PDE11A: variants seen among roughly 807,000 people sequenced by gnomAD.
PDE11A encodes the protein phosphodiesterase 11A.
Under a neutral mutation model 100.5 loss-of-function variants are expected in PDE11A, and 100 were observed. The observed-to-expected ratio is 1.00, with a 90% confidence interval of 0.85 to 1.18. PDE11A has a LOEUF of 1.18. Ranked by LOEUF, PDE11A falls within the 50% of genes most tolerant of loss-of-function variation. PDE11A has a pLI of 0.00. For synonymous variants in PDE11A, 381 were observed against 420.8 expected (o/e 0.91, Z 1.16); for missense variants, 1,141 against 1,152.6 (o/e 0.99, Z 0.15).
At chr2:177,878,361 C>G (rs2084274897) in intron 4 of PDE11A, among the ~76,000 whole-genome samples, 1 of 152,106 alleles carries the variant, frequency 6.6e-6, no homozygotes, top group Admixed American at 6.6e-5. Flanking sequence ...CTTCTGAAAG[C>G]TTCAACAAAT....
intron 2 of PDE11A, among the ~76,000 whole-genome samples, chr2:178,003,867 CAGCTATT>C (rs138357718): frequency 0.01 from 1,539 of 152,206 alleles, 31 homozygotes; most frequent in African/African-American, 0.035. Context: ...TTCAACCTAA[CAGCTATT>C]CTAAGACACA....
chr2:178,080,189 T>G (rs1349692840), intron 2 of PDE11A, among the ~76,000 whole-genome samples: 3 of 152,210 alleles, frequency 2.0e-5, no homozygotes, highest in African/African-American at 7.2e-5. Flanking sequence ...TGTGATTGCT[T>G]TTGGTGTTTT....
intron 1 of PDE11A, among the ~76,000 whole-genome samples, chr2:178,030,122 G>A (rs2086526103): frequency 6.6e-6 from 1 of 151,628 alleles, no homozygotes; most frequent in South Asian, 2.1e-4. Flanking sequence ...TTCAAAAAAA[G>A]AATAACATAT....
chr2:177,631,529 A>ACACATG (rs2079932479), intron 19 of PDE11A, among the ~76,000 whole-genome samples: 3 of 25,866 alleles, frequency 1.2e-4, no homozygotes, highest in Non-Finnish European at 2.1e-4. Flanking sequence ...ATATATATAT[A>ACACATG]TATATATATA....
chr2:177,931,215 T>C (rs1320080776), intron 2 of PDE11A, among the ~76,000 whole-genome samples: 1 of 152,172 alleles, frequency 6.6e-6, no homozygotes, highest in Non-Finnish European at 1.5e-5. Flanking sequence ...TCTCTAATTT[T>C]CTTTTGTTGT....
intron 10 of PDE11A, among the ~76,000 whole-genome samples, chr2:177,766,542 G>A (rs2082242487): frequency 6.6e-6 from 1 of 152,136 alleles, no homozygotes; most frequent in Admixed American, 6.5e-5. Context: ...CGTAAACATG[G>A]TTTGTCATAT....
In PDE11A at chr2:177,769,191, A is replaced by G. The variant is rs2082277384; in HGVS notation, c.1788+132T>C. 5.7e-6 allele frequency: 4 copies of G among 697,528 alleles called. No individual in the cohort carries two copies. The South Asian group carries it at 6.7e-5, about 12-fold the overall frequency. 43.2% of individuals were successfully genotyped at this position (697,528 alleles called of 1,614,324 possible). ...CCCTCTAAAACAGAAATATAAAAAT[A>G]CACCTTTGCCCAGTGCTAGTCCTCC... is the stretch of plus-strand genomic sequence containing the variant. On this transcript the variant is annotated intron_variant, in intron 10 of 19. Transcript: ENST00000286063.
At chr2:177,858,789 A>T (rs1290524668) in intron 5 of PDE11A, among the ~76,000 whole-genome samples, 2 of 152,188 alleles carry the variant, frequency 1.3e-5, no homozygotes, top group Non-Finnish European at 2.9e-5. Flanking sequence ...ATAAAGACAC[A>T]TGCACACATA....
At chr2:177,785,621 C>A (rs1002010817) in intron 9 of PDE11A, among the ~76,000 whole-genome samples, 1 of 152,216 alleles carries the variant, frequency 6.6e-6, no homozygotes, top group Admixed American at 6.5e-5. Context: ...TCAGGGAGTT[C>A]CCTTTCCTAG....
chr2:177,998,290 T>G, intron 2 of PDE11A: 1 of 828,128 alleles, frequency 1.2e-6, no homozygotes, highest in Non-Finnish European at 2.2e-6. Context: ...TCTGGTAAAG[T>G]CTTAAGTTTT....
intron 19 of PDE11A, among the ~76,000 whole-genome samples, chr2:177,634,121 T>A (rs2079995960): frequency 6.6e-6 from 1 of 152,214 alleles, no homozygotes; most frequent in South Asian, 2.1e-4. Flanking sequence ...AATTTATTCC[T>A]TAAGCCATTT....
At position 177,905,127 on chromosome 2, in the gene PDE11A, C is replaced by T; in HGVS notation, c.1132G>A (p.Ala378Thr). Reference protein sequence around the residue: ...IAISNAQLFAASRKEYERSRA... With the variant: ...IAISNAQLFATSRKEYERSRA... ...CTTCTTTCATATTCTTTCCTTGAGG[C>T]AGCAAAGAGCTGAGCGTTAGATATG... Residue 378 changes from alanine (A) to threonine (T), a missense_variant, in exon 3 of 20, where the codon GCC becomes ACC. By Grantham distance (58) the Ala-to-Thr change is moderately conservative. Transcript: ENST00000286063. The T allele has an allele frequency of 6.2e-7, 1 of 1,604,886 alleles. No homozygotes were observed. The highest frequency in any genetic ancestry group is 8.5e-7 in the Non-Finnish European group (1 of 1,171,628).
intron 9 of PDE11A, among the ~76,000 whole-genome samples, chr2:177,788,961 C>G (rs4508637): frequency 0.33 from 50,404 of 151,800 alleles, 8,737 homozygotes; most frequent in African/African-American, 0.39. Flanking sequence ...ACCAGAGGTA[C>G]AAGGAGGAAC....
intron 1 of PDE11A, among the ~76,000 whole-genome samples, chr2:178,066,568 A>C (rs1045907168): frequency 1.3e-5 from 2 of 152,004 alleles, no homozygotes; most frequent in African/African-American, 4.8e-5. Context: ...CATCCTTCCC[A>C]GTCTCACCTC....
intron 9 of PDE11A, among the ~76,000 whole-genome samples, chr2:177,771,519 T>A (rs982488802): frequency 7.9e-5 from 12 of 152,070 alleles, no homozygotes; most frequent in African/African-American, 2.9e-4. Context: ...TCTCTTTGGG[T>A]CTCATTTATA....
intron 2 of PDE11A, among the ~76,000 whole-genome samples, chr2:178,011,281 C>T (rs1386880818): frequency 6.6e-6 from 1 of 152,032 alleles, no homozygotes; most frequent in Non-Finnish European, 1.5e-5. Context: ...GGGAAGGTGG[C>T]GGTCATTGAC....
At chr2:177,809,522 A>C (rs768171297) in intron 9 of PDE11A, among the ~76,000 whole-genome samples, 5 of 152,194 alleles carry the variant, frequency 3.3e-5, no homozygotes, top group Non-Finnish European at 7.3e-5. Flanking sequence ...TACAAAAAGA[A>C]AATGTTGGTG....
chr2:177,661,269 C>T (rs1212981503), intron 19 of PDE11A, among the ~76,000 whole-genome samples: 1 of 152,172 alleles, frequency 6.6e-6, no homozygotes, highest in East Asian at 1.9e-4. Flanking sequence ...ATCAGGGATT[C>T]CTGCCACCTG....
chr2:177,816,469 C>T (rs13423418), intron 9 of PDE11A, among the ~76,000 whole-genome samples: 61,478 of 151,586 alleles, frequency 0.41, 14,247 homozygotes, highest in African/African-American at 0.64. Flanking sequence ...TCTTCTCCTA[C>T]GATAAGAAAA....
Sources: gnomAD v4.1 joint callset for allele counts (sites outside exome capture counted in the v4.1 genomes callset) on GRCh38, gnomAD v4.1.1 for gene constraint, MANE v1.5 for transcripts, NCBI Gene and HGNC (gene_info 2026-07-23, HGNC 2026-07-21) for gene names.